The following INPP5J variants were observed in gnomAD, a reference collection of about 807,000 sequenced individuals.
The protein encoded by INPP5J is phosphatidylinositol 4,5-bisphosphate 5-phosphatase A.
In INPP5J, 75 loss-of-function variants were observed where a neutral mutation model predicts 86.6. The ratio of observed to expected loss-of-function variants is 0.87; its 90% CI spans 0.72 to 1.05. The LOEUF (loss-of-function observed/expected upper bound fraction) is 1.05, where lower values mean the gene tolerates loss of function less well. INPP5J is among the 50% of genes least tolerant of loss of function. The pLI, the probability that INPP5J is intolerant of heterozygous loss-of-function variation, is 0.00. For missense variants in INPP5J, 1,229 were observed against 1,341.2 expected (o/e 0.92, Z 1.31); for synonymous variants, 540 against 550.0 (o/e 0.98, Z 0.25).
Position 31,134,479 on chromosome 22 carries a change from CA to C in INPP5J, c.*61del, listed in dbSNP as rs1428445572. On this transcript the variant is annotated 3_prime_UTR_variant, in exon 13 of 13. Coordinates refer to ENST00000331075, the MANE Select transcript of INPP5J (RefSeq NM_001284285.2). ...ATTCTGCCTCAATCTTTTGCAAGCC[CA>C]CCTGCCTCTCTCCTGCTGCTCCTCC... 7.1e-7 allele frequency: 1 copy of C among 1,400,834 alleles called. No homozygotes were observed. The highest frequency in any genetic ancestry group is 9.3e-7 in the Non-Finnish European group (1 of 1,070,542). 86.8% of individuals were successfully genotyped at this position (1,400,834 alleles called of 1,614,324 possible). A position where few individuals can be genotyped will look rare whatever the true frequency, so the allele number is the denominator to read the frequency against.
chr22:31,127,144 C>T (rs1794657791), intron 5 of INPP5J, 107 bp downstream of exon 5: 2 of 881,280 alleles, frequency 2.3e-6, no homozygotes, highest in South Asian at 3.1e-5. Flanking sequence ...CCACCCTTTA[C>T]CCTGCGGCCC....
Position 31,125,364 on chromosome 22 carries a change from G to A in INPP5J, c.625G>A (p.Val209Ile), listed in dbSNP as rs1921272502. ...CACCCCTTCCCCGGTGCCCAGTCCA[G>A]TTCTGTCTCCAACTCAGGAACAGGC... The part of the protein sequence containing the change: ...PSTPSPVPSP[V>I]LSPTQEQALA... The change falls in exon 2 of 13, where the codon GTT becomes ATT. Residue 209 changes from valine to isoleucine, a missense_variant. Physicochemically the swap from Val to Ile is conservative, Grantham distance 29 (BLOSUM62 3). Transcript: ENST00000331075. The A allele has an allele frequency of 6.4e-7, 1 of 1,550,606 alleles. No homozygotes were observed. Among genetic ancestry groups the A allele is most frequent in the Non-Finnish European group, 8.7e-7 (1 of 1,147,002 alleles).
chr22:31,127,093 G>T lies in INPP5J; in HGVS notation c.1611+56G>T, dbSNP rs552001831. The T allele has an allele frequency of 1.7e-5, 21 of 1,224,332 alleles. No homozygotes were observed. In the South Asian group the frequency reaches 2.6e-4, roughly 15 times the overall value. 75.8% of individuals were successfully genotyped at this position (1,224,332 alleles called of 1,614,324 possible). A position where few individuals can be genotyped will look rare whatever the true frequency, so the allele number is the denominator to read the frequency against. On this transcript the variant is annotated intron_variant, in intron 5 of 12. Transcript: ENST00000331075. ...GGGACATGAAGGGGGCTTTAGATTA[G>T]TCCCCCCGCCCCATGCACAGCAAGG... is the stretch of plus-strand genomic sequence containing the variant.
upstream of INPP5J, chr22:31,122,895 G>A: frequency 1.5e-6 from 1 of 666,498 alleles, no homozygotes; most frequent in Non-Finnish European, 2.3e-6. Flanking sequence ...AGGCTGGGAA[G>A]TGGGAGCCTG....
At chr22:31,127,104 C>A in intron 5 of INPP5J, 67 bp downstream of exon 5, 1 of 1,129,106 alleles carries the variant, frequency 8.9e-7, no homozygotes, top group Non-Finnish European at 1.3e-6. Context: ...TCCCCCCGCC[C>A]CATGCACAGC....
rs1275083944 is a variant in INPP5J, at chr22:31,134,568, T to A, written c.*149T>A. 6.7e-6 allele frequency: 5 copies of A among 744,062 alleles called. No individual in the cohort carries two copies. The African/African-American group carries it at 9.0e-5, about 13-fold the overall frequency. The allele number at this position is 744,062 out of a possible 1,614,324, so 46.1% of individuals were successfully genotyped here. A position where few individuals can be genotyped will look rare whatever the true frequency, so the allele number is the denominator to read the frequency against. On this transcript the variant is annotated 3_prime_UTR_variant, in exon 13 of 13. Transcript: ENST00000331075. ...GTGGACAACTGGGGTCCCCCAAAAC[T>A]CAGTCCTGGCACCTCAACTGTGACA...
chr22:31,128,999 C>T (rs1402717344), intron 9 of INPP5J, among the ~76,000 whole-genome samples: 1 of 133,016 alleles, frequency 7.5e-6, no homozygotes, highest in African/African-American at 2.8e-5. Flanking sequence ...GTGGCACGAT[C>T]TTAGCTCACT....
chr22:31,124,921 C>T lies in INPP5J; in HGVS notation c.182C>T (p.Pro61Leu), dbSNP rs965962152. The change falls in exon 2 of 13, where the codon CCT (proline) becomes CTT (leucine). Residue 61 changes from proline to leucine, a missense_variant. Transcript: ENST00000331075. Reference protein sequence around the residue: ...GPSEPRLALAPVGPRAAMSAS... With the variant: ...GPSEPRLALALVGPRAAMSAS... Reference sequence around the variant, plus strand: ...TCGGAACCAAGGTTGGCTCTGGCACCTGTAGGGCCACGGGCAGCTATGTCA... The same window carrying T: ...TCGGAACCAAGGTTGGCTCTGGCACTTGTAGGGCCACGGGCAGCTATGTCA... 9 of 1,613,720 alleles carry T rather than the reference C, an allele frequency of 5.6e-6. No individual in the cohort carries two copies. In the Admixed American group the frequency reaches 1.0e-4, roughly 18 times the overall value.
chr22:31,123,637 G>C (rs564695685), intron 1 of INPP5J, among the ~76,000 whole-genome samples: 1 of 152,256 alleles, frequency 6.6e-6, no homozygotes, highest in Non-Finnish European at 1.5e-5. Flanking sequence ...AACTGAGAAG[G>C]ATACGGGACA....
intron 2 of INPP5J, 133 bp from the exon 3 acceptor site, chr22:31,126,243 G>C: frequency 2.4e-6 from 2 of 832,680 alleles, no homozygotes; most frequent in Non-Finnish European, 3.7e-6. Flanking sequence ...AGGATTCGGG[G>C]CCTCCTGTGG....
chr22:31,124,743 G>A (rs957017713), intron 1 of INPP5J, 102 bp from the exon 2 acceptor site: 17 of 969,188 alleles, frequency 1.8e-5, no homozygotes, highest in Admixed American at 1.4e-4. Context: ...TTGGAAAGAT[G>A]TGCCTTTCTT....
At chr22:31,126,326 G>C (rs779032362) in intron 2 of INPP5J, 50 bp from the exon 3 acceptor site, 13 of 1,429,706 alleles carry the variant, frequency 9.1e-6, no homozygotes, top group Non-Finnish European at 1.3e-5. Context: ...GGAAGCTTGA[G>C]GGTGAGGGAG....
rs566684955 is a variant in INPP5J, at chr22:31,126,231, A to G, written c.1272-145A>G. ...TCCCCAGGGAGAGTGTGGCAGAGGG[A>G]CAGGATTCGGGGCCTCCTGTGGGTC... is the stretch of plus-strand genomic sequence containing the variant. On this transcript the variant is annotated intron_variant, in intron 2 of 12. Transcript: ENST00000331075. 7 of 801,812 alleles carry G rather than the reference A, an allele frequency of 8.7e-6. No individual in the cohort carries two copies. In the Admixed American group the frequency reaches 1.9e-4, roughly 22 times the overall value. The allele number at this position is 801,812 out of a possible 1,614,324, so 49.7% of individuals were successfully genotyped here. A position where few individuals can be genotyped will look rare whatever the true frequency, so the allele number is the denominator to read the frequency against.
chr22:31,127,632 G>A, intron 6 of INPP5J, 100 bp downstream of exon 6: 1 of 1,206,972 alleles, frequency 8.3e-7, no homozygotes, highest in Non-Finnish European at 1.1e-6. Flanking sequence ...CAGGGCCTAT[G>A]GGGTTTAGTG....
Position 31,127,545 on chromosome 22 carries a change from G to A in INPP5J, c.1787+13G>A. 2 of 1,608,062 alleles carry A rather than the reference G, an allele frequency of 1.2e-6. No individual in the cohort carries two copies. The highest frequency in any genetic ancestry group is 1.1e-5 in the South Asian group (1 of 90,134). ...TCCTGGATCATGAGTATGGGCTGGG[G>A]TGGGGCCAAATAGAGCTTGGGTGGG... On this transcript the variant is annotated intron_variant, in intron 6 of 12. Coordinates refer to ENST00000331075, the MANE Select transcript of INPP5J (RefSeq NM_001284285.2).
intron 1 of INPP5J, 58 bp downstream of exon 1, chr22:31,123,177 C>G (rs1487137054): frequency 1.9e-6 from 2 of 1,053,374 alleles, no homozygotes; most frequent in Admixed American, 4.0e-5. Context: ...CCACACACCC[C>G]CCCCACATAC....
chr22:31,126,688 C>T lies in INPP5J; in HGVS notation c.1461C>T (p.Phe487=). The T allele has an allele frequency of 6.2e-7, 1 of 1,613,922 alleles. No homozygotes were observed. The highest frequency in any genetic ancestry group is 8.5e-7 in the Non-Finnish European group (1 of 1,179,800). The change falls in exon 4 of 13, where the codon TTC becomes TTT. Residue 487 remains phenylalanine (F), a synonymous_variant. Coordinates refer to ENST00000331075, the MANE Select transcript of INPP5J (RefSeq NM_001284285.2). ...TCACGGACCAGTGGAGTGAGCTGTTCATGGATGCGCTAGGGCCCTTCAACT... is the reference window on the plus strand; with the variant it reads ...TCACGGACCAGTGGAGTGAGCTGTTTATGGATGCGCTAGGGCCCTTCAACT... ...ALFTDQWSEL[F]MDALGPFNFV... is the part of the protein sequence containing the mutation.
chr22:31,128,927 CTTTTTTTT>C (rs56761879), intron 9 of INPP5J, among the ~76,000 whole-genome samples: 4 of 80,000 alleles, frequency 5.0e-5, no homozygotes, highest in African/African-American at 9.3e-5. Flanking sequence ...CATGCCTTTT[CTTTTTTTT>C]TTTTTTTTTT....
chr22:31,127,699 C>A, intron 6 of INPP5J, 167 bp downstream of exon 6: 9 of 791,900 alleles, frequency 1.1e-5, no homozygotes, highest in Non-Finnish European at 1.8e-5. Context: ...TGGGGAGGGG[C>A]GGAGCTTGTA....
Sources: gnomAD v4.1 joint callset for allele counts (sites outside exome capture counted in the v4.1 genomes callset) on GRCh38, gnomAD v4.1.1 for gene constraint, MANE v1.5 for transcripts, NCBI Gene and HGNC (gene_info 2026-07-23, HGNC 2026-07-21) for gene names.